EFHC1: variants seen among roughly 807,000 people sequenced by gnomAD.
EFHC1 encodes the protein EF-hand domain-containing protein 1.
EFHC1 carries 53 observed loss-of-function variants against 69.9 expected under a neutral mutation model. The ratio of observed to expected loss-of-function variants is 0.76; its 90% confidence interval spans 0.61 to 0.95. The LOEUF (loss-of-function observed/expected upper bound fraction) is 0.95, where lower values mean the gene tolerates loss of function less well. Among genes scored for constraint, EFHC1 ranks in the 40% least tolerant of loss-of-function variants. EFHC1 has a pLI of 0.00. For missense variants in EFHC1, 739 were observed against 798.7 expected, an observed-to-expected ratio of 0.93 and a Z score of 0.90; for synonymous variants, 256 against 278.4, an observed-to-expected ratio of 0.92 and a Z score of 0.80.
intron 5 of EFHC1, among the ~76,000 whole-genome samples, chr6:52,461,572 G>T (rs1181646287): frequency 3.3e-5 from 5 of 152,034 alleles, no homozygotes; most frequent in Non-Finnish European, 7.4e-5. Flanking sequence ...ATATTCCTTT[G>T]GAGATATACC....
At chr6:52,468,586 T>G (rs1050247705) in intron 6 of EFHC1, 1 of 152,274 alleles carries the variant, frequency 6.6e-6, no homozygotes, top group Non-Finnish European at 1.5e-5. Context: ...CAGGATGCTC[T>G]CATTGTGTGG....
In EFHC1 at chr6:52,424,002, T is replaced by G. The variant is rs1299499079; in HGVS notation, c.120T>G (p.Val40=). Reference sequence around the variant, plus strand: ...GCTACAGGAACGGCTATGCAATTGTTCGACGTCCAACAGTTGGGATAGGCG... The same window carrying G: ...GCTACAGGAACGGCTATGCAATTGTGCGACGTCCAACAGTTGGGATAGGCG... The part of the protein sequence containing the change: ...TLSYRNGYAI[V]RRPTVGIGGD... Residue 40 remains valine, a synonymous_variant, in exon 2 of 11, where the codon GTT becomes GTG. Coordinates refer to ENST00000371068, the MANE Select transcript of EFHC1 (RefSeq NM_018100.4). 1.2e-6 allele frequency: 2 copies of G among 1,614,202 alleles called. No homozygotes were observed. Among genetic ancestry groups the G allele is most frequent in the South Asian group, 2.2e-5 (2 of 91,086 alleles).
At chr6:52,430,472 A>AT (rs1280077929) in intron 2 of EFHC1, 10 of 151,962 alleles carry the variant, frequency 6.6e-5, no homozygotes, top group East Asian at 1.9e-4. Flanking sequence ...TGATCGTGTG[A>AT]TTTTTGTTTT....
At chr6:52,420,620 G>A in intron 1 of EFHC1, 147 bp downstream of exon 1, 1 of 1,032,400 alleles carries the variant, frequency 9.7e-7, no homozygotes, top group East Asian at 2.6e-5. Context: ...CTTTATTCTG[G>A]GCCGAACTTC....
At chr6:52,434,223 T>G (rs1040309704) in intron 2 of EFHC1, among the ~76,000 whole-genome samples, 1 of 152,182 alleles carries the variant, frequency 6.6e-6, no homozygotes, top group East Asian at 1.9e-4. Context: ...TTCAAATCAT[T>G]ACACAGTTCA....
Position 52,469,342 on chromosome 6 carries a change from C to T in EFHC1, c.1147C>T (p.Pro383Ser), listed in dbSNP as rs546262142. Residue 383 changes from proline (P) to serine (S), a missense_variant, in exon 7 of 11, where the codon CCT (proline) becomes TCT (serine). Physicochemically the swap from Pro to Ser is moderately conservative, Grantham distance 74. Transcript: ENST00000371068. ...TCCTATGTATCTCCAGGAGTTGCCT[C>T]CTTATAACGGTTTTGGACTAGTGGA... ...EPPPVKQELP[P>S]YNGFGLVEDS... is the part of the protein sequence containing the mutation. The T allele has an allele frequency of 3.4e-5, 55 of 1,613,970 alleles. No homozygotes were observed. The highest frequency in any genetic ancestry group is 1.1e-4 in the East Asian group (5 of 44,866).
intron 9 of EFHC1, chr6:52,488,355 T>C (rs1765829738): frequency 6.6e-6 from 1 of 152,224 alleles, no homozygotes; most frequent in African/African-American, 2.4e-5. Context: ...ACAATTTTTA[T>C]TGTTCTTGGC....
intron 1 of EFHC1, among the ~76,000 whole-genome samples, chr6:52,420,757 G>A (rs1194621780): frequency 6.6e-6 from 1 of 151,890 alleles, no homozygotes; most frequent in South Asian, 2.1e-4. Flanking sequence ...CCCGTTAGCC[G>A]CGTTCTTTCT....
At chr6:52,483,453 A>C (rs1009245872) in intron 9 of EFHC1, 1 of 152,254 alleles carries the variant, frequency 6.6e-6, no homozygotes, top group African/African-American at 2.4e-5. Context: ...AACAGTGTAC[A>C]GCAGCAGCTG....
intron 2 of EFHC1, among the ~76,000 whole-genome samples, chr6:52,424,816 A>C (rs1181611170): frequency 6.6e-6 from 1 of 152,222 alleles, no homozygotes; most frequent in Non-Finnish European, 1.5e-5. Flanking sequence ...ACCATGTAGC[A>C]GAATCACTGG....
At chr6:52,443,717 A>G (rs1215825640) in intron 3 of EFHC1, among the ~76,000 whole-genome samples, 2 of 152,212 alleles carry the variant, frequency 1.3e-5, no homozygotes, top group Non-Finnish European at 2.9e-5. Flanking sequence ...GAAGTCAGGT[A>G]GCGTGATGCC....
intron 5 of EFHC1, among the ~76,000 whole-genome samples, chr6:52,460,841 T>C (rs1467917773): frequency 6.6e-6 from 1 of 152,202 alleles, no homozygotes; most frequent in Non-Finnish European, 1.5e-5. Context: ...GGGAAACTTC[T>C]AGAGTATACT....
At chr6:52,466,337 C>A (rs1008421313) in intron 6 of EFHC1, among the ~76,000 whole-genome samples, 3 of 152,178 alleles carry the variant, frequency 2.0e-5, no homozygotes, top group African/African-American at 4.8e-5. Flanking sequence ...TCTACCAGTA[C>A]AGCATCTTGT....
At chr6:52,475,044 C>CTTTTTTTTT in intron 7 of EFHC1, among the ~76,000 whole-genome samples, 1 of 148,136 alleles carries the variant, frequency 6.8e-6, no homozygotes, top group Non-Finnish European at 1.5e-5. Context: ...TGTGTTACTG[C>CTTTTTTTTT]TCACAGTAAA....
At chr6:52,490,404 CT>C in intron 10 of EFHC1, 54 bp downstream of exon 10, 1 of 1,506,316 alleles carries the variant, frequency 6.6e-7, no homozygotes, top group Non-Finnish European at 9.2e-7. Context: ...ACTGATCATT[CT>C]TTTCTAAAGG....
At chr6:52,421,453 A>G (rs552732759) in intron 1 of EFHC1, among the ~76,000 whole-genome samples, 2 of 151,678 alleles carry the variant, frequency 1.3e-5, no homozygotes, top group Non-Finnish European at 2.9e-5. Context: ...AACTCTTGCC[A>G]CAGTTTAGCT....
At chr6:52,453,032 A>C in intron 4 of EFHC1, 195 bp downstream of exon 4, 1 of 1,528,456 alleles carries the variant, frequency 6.5e-7, no homozygotes, top group Non-Finnish European at 8.8e-7. Flanking sequence ...TCATATGGAG[A>C]TCCAAAGAAG....
intron 10 of EFHC1, among the ~76,000 whole-genome samples, chr6:52,491,397 A>T (rs1239283778): frequency 6.6e-6 from 1 of 152,226 alleles, no homozygotes; most frequent in East Asian, 1.9e-4. Context: ...GTCACAGTCG[A>T]GTTTTAAGGG....
At chr6:52,461,613 G>A (rs1765169821) in intron 5 of EFHC1, among the ~76,000 whole-genome samples, 1 of 152,094 alleles carries the variant, frequency 6.6e-6, no homozygotes, top group Admixed American at 6.6e-5. Context: ...CGAATGGGTA[G>A]TTCTGTTTTT....
Sources: allele counts gnomAD v4.1 joint callset (sites outside exome capture counted in the v4.1 genomes callset), GRCh38; gene constraint gnomAD v4.1.1; transcripts MANE v1.5; gene names NCBI Gene and HGNC (gene_info 2026-07-23, HGNC 2026-07-21).